The following RMDN2 variants were observed in gnomAD, a reference collection of about 807,000 sequenced individuals.
RMDN2 encodes regulator of microtubule dynamics 2, also known as regulator of microtubule dynamics protein 2.
A neutral mutation model predicts 52.8 loss-of-function variants in RMDN2; 61 were observed. The ratio of observed to expected loss-of-function variants is 1.16; its 90% CI spans 0.94 to 1.43. RMDN2 has a LOEUF of 1.43. Ranked by LOEUF, RMDN2 falls within the 40% of genes most tolerant of loss-of-function variation. The probability of loss-of-function intolerance (pLI) is 0.00; values close to 1 mark genes in which losing one functional copy is unlikely to be tolerated. For synonymous variants in RMDN2, 180 were observed against 153.1 expected (o/e 1.18, Z -1.30); for missense variants, 592 against 475.3 (o/e 1.25, Z -2.28).
chr2:38,031,671 T>C (rs1413719583), intron 10 of RMDN2, among the ~76,000 whole-genome samples: 1 of 152,142 alleles, frequency 6.6e-6, no homozygotes, highest in Non-Finnish European at 1.5e-5. Context: ...AACTAAGTAT[T>C]AGTGACTATT....
At chr2:37,976,552 T>C (rs1226680060) in intron 4 of RMDN2, among the ~76,000 whole-genome samples, 2 of 152,236 alleles carry the variant, frequency 1.3e-5, no homozygotes, top group Non-Finnish European at 2.9e-5. Flanking sequence ...TGGAGATTCA[T>C]TTGCTGAATG....
intron 5 of RMDN2, among the ~76,000 whole-genome samples, chr2:37,983,824 CAT>C (rs947289005): frequency 6.6e-6 from 1 of 152,286 alleles, no homozygotes; most frequent in Non-Finnish European, 1.5e-5. Flanking sequence ...GATAATAAGA[CAT>C]ATTCTCATTC....
At chr2:37,998,203 C>A (rs1414756058) in intron 8 of RMDN2, 1 of 152,014 alleles carries the variant, frequency 6.6e-6, no homozygotes, top group Admixed American at 6.6e-5. Context: ...ATGTGTTTTC[C>A]TTCCCAACCT....
At chr2:37,952,487 T>G in intron 2 of RMDN2, 1 of 465,048 alleles carries the variant, frequency 2.2e-6, no homozygotes, top group Non-Finnish European at 3.8e-6. Flanking sequence ...TGAGTGACTA[T>G]TATAATACTT....
intron 2 of RMDN2, among the ~76,000 whole-genome samples, chr2:37,964,890 T>A (rs1250605697): frequency 2.0e-5 from 3 of 152,184 alleles, no homozygotes; most frequent in African/African-American, 7.2e-5. Flanking sequence ...TTCAATTCTG[T>A]CAGTGTTTGC....
intron 5 of RMDN2, among the ~76,000 whole-genome samples, chr2:37,988,826 T>A (rs1674383641): frequency 6.6e-6 from 1 of 152,150 alleles, no homozygotes; most frequent in African/African-American, 2.4e-5. Flanking sequence ...TTCCAGTAAA[T>A]AAGCAAATTG....
At position 37,964,639 on chromosome 2, in the gene RMDN2, C is replaced by T. The variant is rs191783869; in HGVS notation, c.453-9401C>T. On this transcript the variant is annotated intron_variant, in intron 2 of 10. Coordinates refer to ENST00000354545, the MANE Select transcript of RMDN2 (RefSeq NM_001170791.3). ...GAGAATATTCCACATGCATTGGAGACGAATGTGTATTCTGTTATTTTTGGG... is the reference window on the plus strand; with the variant it reads ...GAGAATATTCCACATGCATTGGAGATGAATGTGTATTCTGTTATTTTTGGG... 1.6e-4 allele frequency among the ~76,000 whole-genome samples: 25 copies of T among 152,142 alleles called. No homozygotes were observed. In the East Asian group the frequency reaches 3.3e-3, roughly 20 times the overall value.
chr2:37,997,353 G>A, intron 7 of RMDN2, 63 bp from the exon 8 acceptor site: 2 of 978,632 alleles, frequency 2.0e-6, no homozygotes, highest in Non-Finnish European at 3.3e-6. Flanking sequence ...GTCTAACTGG[G>A]GAGAGATAAT....
intron 10 of RMDN2, among the ~76,000 whole-genome samples, chr2:38,032,486 A>C (rs1680279342): frequency 6.6e-6 from 1 of 152,202 alleles, no homozygotes; most frequent in African/African-American, 2.4e-5. Context: ...ATGTAATTAT[A>C]AATTCACCTG....
intron 10 of RMDN2, among the ~76,000 whole-genome samples, chr2:38,015,151 G>A (rs1325173532): frequency 6.6e-6 from 1 of 152,258 alleles, no homozygotes; most frequent in East Asian, 1.9e-4. Flanking sequence ...CAGTATCATC[G>A]TGGTCTCAAG....
At chr2:38,036,549 C>T (rs80288232) in intron 10 of RMDN2, 73 of 152,316 alleles carry the variant, frequency 4.8e-4, no homozygotes, top group African/African-American at 1.8e-3. Context: ...CCTTGCCACC[C>T]TGTCCAACTG....
chr2:37,950,583 G>T (rs1410753032), intron 2 of RMDN2: 1 of 1,613,148 alleles, frequency 6.2e-7, no homozygotes, highest in African/African-American at 1.3e-5. Flanking sequence ...TTTACAATGG[G>T]AAAGTGCTTA....
In RMDN2 at chr2:37,934,284, C is replaced by T. The variant is rs1445997780; in HGVS notation, c.452+4555C>T. 4.6e-5 allele frequency among the ~76,000 whole-genome samples: 7 copies of T among 152,202 alleles called. No homozygotes were observed. In the East Asian group the frequency reaches 1.3e-3, roughly 29 times the overall value. On this transcript the variant is annotated intron_variant, in intron 2 of 10. Transcript: ENST00000354545. ...TGGGTAGATCAGTGGAACATGTTTT[C>T]TGTAACCATTATTAGAATCTCTTGT... is the stretch of plus-strand genomic sequence containing the variant.
chr2:37,950,051 C>T (rs1273993178), intron 2 of RMDN2: 1 of 171,852 alleles, frequency 5.8e-6, no homozygotes, highest in East Asian at 1.5e-4. Flanking sequence ...ACTTATTAAA[C>T]TTTTTTTCCC....
chr2:37,985,707 A>T (rs552662418), intron 5 of RMDN2, among the ~76,000 whole-genome samples: 1 of 152,266 alleles, frequency 6.6e-6, no homozygotes, highest in Non-Finnish European at 1.5e-5. Context: ...AACAGGGTAT[A>T]TGATGGATCA....
intron 10 of RMDN2, among the ~76,000 whole-genome samples, chr2:38,032,606 G>A (rs1448996744): frequency 2.6e-5 from 4 of 152,188 alleles, no homozygotes; most frequent in East Asian, 1.9e-4. Flanking sequence ...TTGGGAGGCC[G>A]AGGCAGGCGG....
At chr2:37,999,301 G>C (rs1675998068) in intron 8 of RMDN2, among the ~76,000 whole-genome samples, 1 of 152,152 alleles carries the variant, frequency 6.6e-6, no homozygotes, top group Non-Finnish European at 1.5e-5. Flanking sequence ...TCAATAACAT[G>C]GAGATAATAG....
chr2:37,931,061 T>C (rs1666700116), intron 2 of RMDN2, among the ~76,000 whole-genome samples: 1 of 141,060 alleles, frequency 7.1e-6, no homozygotes, highest in African/African-American at 2.7e-5. Flanking sequence ...TGATTTAAGA[T>C]TATTTTAGAT....
At chr2:37,981,248 T>G in intron 4 of RMDN2, 35 bp from the exon 5 acceptor site, 1 of 1,255,000 alleles carries the variant, frequency 8.0e-7, no homozygotes, top group Non-Finnish European at 1.2e-6. Flanking sequence ...CCAACTCACA[T>G]GAAGGTATTA....
Sources: gnomAD v4.1 joint callset for allele counts (sites outside exome capture counted in the v4.1 genomes callset) on GRCh38, gnomAD v4.1.1 for gene constraint, MANE v1.5 for transcripts, NCBI Gene and HGNC (gene_info 2026-07-23, HGNC 2026-07-21) for gene names.